Variants in DCC observed in about 807,000 individuals in gnomAD.
DCC encodes the protein DCC netrin 1 receptor.
Under a neutral mutation model 172.5 loss-of-function variants are expected in DCC, and 58 were observed. That is an observed-to-expected ratio of 0.34 (90% CI 0.27 to 0.42). DCC has a LOEUF of 0.42. Among genes scored for constraint, DCC ranks in the 10% least tolerant of loss-of-function variants. DCC has a pLI of 1.00. For missense variants in DCC, 1,740 were observed against 1,791.0 expected, an observed-to-expected ratio of 0.97 and a Z score of 0.51; for synonymous variants, 709 against 644.5, an observed-to-expected ratio of 1.10 and a Z score of -1.52.
chr18:52,848,216 C>T (rs574693822), intron 2 of DCC, among the ~76,000 whole-genome samples: 1 of 151,598 alleles, frequency 6.6e-6, no homozygotes, highest in Non-Finnish European at 1.5e-5. Context: ...CTCCGGAGTG[C>T]TGAGATAACA....
intron 12 of DCC, among the ~76,000 whole-genome samples, chr18:53,234,164 C>T (rs554721478): frequency 3.3e-5 from 5 of 152,226 alleles, no homozygotes; most frequent in South Asian, 2.1e-4. Flanking sequence ...GCAGGAGAAT[C>T]GCTTGAACCT....
chr18:53,174,565 A>G (rs1032294520), intron 8 of DCC, among the ~76,000 whole-genome samples: 2 of 151,222 alleles, frequency 1.3e-5, no homozygotes, highest in Non-Finnish European at 2.9e-5. Context: ...CAAATAAACT[A>G]GAAAATCTAG....
chr18:52,419,778 T>A (rs1207729751), intron 1 of DCC: 1 of 152,180 alleles, frequency 6.6e-6, no homozygotes, highest in Non-Finnish European at 1.5e-5. Context: ...CTTAATTTCT[T>A]ATTAAAACCC....
At chr18:52,951,713 G>A (rs2040651182) in intron 5 of DCC, among the ~76,000 whole-genome samples, 1 of 152,206 alleles carries the variant, frequency 6.6e-6, no homozygotes. Flanking sequence ...TCAACTTGAT[G>A]ATAGCTAAGT....
intron 12 of DCC, among the ~76,000 whole-genome samples, chr18:53,298,358 A>G (rs1235969594): frequency 6.6e-6 from 1 of 151,808 alleles, no homozygotes; most frequent in Non-Finnish European, 1.5e-5. Flanking sequence ...CAACATGACA[A>G]GACCCTGTCT....
chr18:53,193,348 T>G (rs752281131), intron 9 of DCC, among the ~76,000 whole-genome samples: 1 of 152,136 alleles, frequency 6.6e-6, no homozygotes, highest in African/African-American at 2.4e-5. Context: ...TGTTCACTCT[T>G]TCCCCTCAAA....
intron 7 of DCC, among the ~76,000 whole-genome samples, chr18:53,127,581 G>C (rs2043583171): frequency 6.6e-6 from 1 of 152,002 alleles, no homozygotes; most frequent in Admixed American, 6.6e-5. Flanking sequence ...TTTATAATTT[G>C]CATCATTTGG....
intron 1 of DCC, among the ~76,000 whole-genome samples, chr18:52,451,556 C>T (rs577483958): frequency 1.3e-5 from 2 of 152,180 alleles, no homozygotes; most frequent in South Asian, 2.1e-4. Flanking sequence ...GTTTATTGTG[C>T]TCTGTTCAAT....
chr18:52,938,483 T>C (rs1296282051), intron 5 of DCC, among the ~76,000 whole-genome samples: 1 of 152,090 alleles, frequency 6.6e-6, no homozygotes, highest in African/African-American at 2.4e-5. Flanking sequence ...GAAAAATAAT[T>C]TGAGCTAAAA....
chr18:53,313,012 GGAAGAAA>G (rs2057297197), intron 13 of DCC, among the ~76,000 whole-genome samples: 2 of 51,814 alleles, frequency 3.9e-5, no homozygotes, highest in Non-Finnish European at 4.6e-5. Flanking sequence ...AAGGAAGGGA[GGAAGAAA>G]GGAAGGGAAG....
intron 1 of DCC, among the ~76,000 whole-genome samples, chr18:52,393,845 A>G (rs1222250302): frequency 6.6e-6 from 1 of 152,106 alleles, no homozygotes; most frequent in Non-Finnish European, 1.5e-5. Flanking sequence ...TCTAATTTCC[A>G]GTCAGGATTA....
At chr18:53,504,726 A>C (rs771082021) in intron 27 of DCC, among the ~76,000 whole-genome samples, 1 of 152,206 alleles carries the variant, frequency 6.6e-6, no homozygotes, top group East Asian at 1.9e-4. Flanking sequence ...ATAAATATTA[A>C]TAGGAAAAGA....
At chr18:53,483,998 GATA>G (rs2045870480) in intron 25 of DCC, among the ~76,000 whole-genome samples, 1 of 150,388 alleles carries the variant, frequency 6.6e-6, no homozygotes, top group Non-Finnish European at 1.5e-5. Flanking sequence ...TAGATAGATA[GATA>G]GATAGATAGA....
intron 5 of DCC, among the ~76,000 whole-genome samples, chr18:52,930,012 G>T (rs1283057731): frequency 6.6e-6 from 1 of 152,002 alleles, no homozygotes. Flanking sequence ...TTGAGACAGG[G>T]TCTTGCTCTG....
At position 53,109,405 on chromosome 18, in the gene DCC, T is replaced by A. The variant is rs930947382; in HGVS notation, c.1261+43239T>A. Among the ~76,000 whole-genome samples, 58 of 151,830 alleles carry A rather than the reference T, an allele frequency of 3.8e-4. 1 individual carries two copies. Among genetic ancestry groups the A allele is most frequent in the Non-Finnish European group, 5.8e-4 (39 of 67,802 alleles). On this transcript the variant is annotated intron_variant, in intron 7 of 28. Coordinates refer to ENST00000442544, the MANE Select transcript of DCC (RefSeq NM_005215.4). ...AGTGTTCTAAAACTTCAATATTTAT[T>A]AAATCCTCTTTATTATTTTTTAAAA... is the stretch of plus-strand genomic sequence containing the variant.
chr18:52,748,757 C>G (rs924611252), intron 1 of DCC, among the ~76,000 whole-genome samples: 3 of 152,228 alleles, frequency 2.0e-5, no homozygotes, highest in Admixed American at 6.5e-5. Context: ...AAAAGTTTTA[C>G]TGAGTGACAG....
chr18:52,808,970 C>T (rs112066423), intron 2 of DCC, among the ~76,000 whole-genome samples: 1 of 152,168 alleles, frequency 6.6e-6, no homozygotes, highest in East Asian at 1.9e-4. Flanking sequence ...TTTCCACTTA[C>T]TTTAACCCTA....
intron 12 of DCC, among the ~76,000 whole-genome samples, chr18:53,268,977 A>G (rs1469743369): frequency 6.6e-6 from 1 of 152,200 alleles, no homozygotes; most frequent in Non-Finnish European, 1.5e-5. Flanking sequence ...ATGTGTTTTT[A>G]GAGGAAAGAA....
intron 15 of DCC, among the ~76,000 whole-genome samples, chr18:53,346,768 T>G (rs954034220): frequency 6.6e-6 from 1 of 152,198 alleles, no homozygotes; most frequent in Non-Finnish European, 1.5e-5. Flanking sequence ...ACCATTTGGG[T>G]TGGGCATCTA....
Sources: gnomAD v4.1 joint callset for allele counts (sites outside exome capture counted in the v4.1 genomes callset) on GRCh38, gnomAD v4.1.1 for gene constraint, MANE v1.5 for transcripts, NCBI Gene and HGNC (gene_info 2026-07-23, HGNC 2026-07-21) for gene names.